LAMB4: variants seen among roughly 807,000 people sequenced by gnomAD.
LAMB4 encodes laminin subunit beta-4.
LAMB4 carries 196 observed loss-of-function variants against 199.2 expected under a neutral mutation model. That is an observed-to-expected ratio of 0.98 (90% CI 0.88 to 1.11). The LOEUF is 1.11. Among genes scored for constraint, LAMB4 ranks in the 50% least tolerant of loss-of-function variants. The pLI is 0.00. For synonymous variants in LAMB4, 744 were observed against 770.6 expected, an observed-to-expected ratio of 0.97 and a Z score of 0.57; for missense variants, 2,080 against 2,171.2, an observed-to-expected ratio of 0.96 and a Z score of 0.83.
chr7:108,075,921 C>T, intron 17 of LAMB4: 1 of 159,502 alleles, frequency 6.3e-6, no homozygotes, highest in South Asian at 1.7e-4. Context: ...GATTGTGCCA[C>T]TGCACTGCAG....
rs1173862753 is a variant in LAMB4 at position 108,105,959 on chromosome 7, C to T, written c.728G>A (p.Arg243Lys). The T allele has an allele frequency of 3.1e-6, 5 of 1,614,092 alleles. No individual in the cohort carries two copies. Among genetic ancestry groups the T allele is most frequent in the East Asian group, 4.5e-5 (2 of 44,900 alleles). The change falls in exon 8 of 34, where the codon AGG (arginine) becomes AAG (lysine). Residue 243 changes from arginine (R) to lysine (K), a missense_variant. Coordinates refer to ENST00000388781, the MANE Select transcript of LAMB4 (RefSeq NM_007356.3). ...LHTLGDALLGRRQNDSLDKYY... is the reference protein window; with the variant it reads ...LHTLGDALLGKRQNDSLDKYY... ...TTTATCAAGGGAATCATTTTGCCTCCTTCCAAGCAAAGCATCCCCAAGGGT... is the reference window on the plus strand; with the variant it reads ...TTTATCAAGGGAATCATTTTGCCTCTTTCCAAGCAAAGCATCCCCAAGGGT...
intron 23 of LAMB4, among the ~76,000 whole-genome samples, chr7:108,061,133 A>G (rs1240634399): frequency 6.6e-6 from 1 of 152,220 alleles, no homozygotes; most frequent in Non-Finnish European, 1.5e-5. Context: ...ATTTGAATTG[A>G]TGGACATTCT....
intron 1 of LAMB4, among the ~76,000 whole-genome samples, chr7:108,129,734 G>T (rs933858242): frequency 6.6e-6 from 1 of 152,078 alleles, no homozygotes; most frequent in Non-Finnish European, 1.5e-5. Flanking sequence ...TCGCCATGTT[G>T]CTCAGGCTGG....
At chr7:108,073,974 G>T (rs1357868459) in intron 17 of LAMB4, among the ~76,000 whole-genome samples, 1 of 152,096 alleles carries the variant, frequency 6.6e-6, no homozygotes, top group African/African-American at 2.4e-5. Flanking sequence ...TGGTGGTGGT[G>T]AACCTGTAGC....
intron 2 of LAMB4, among the ~76,000 whole-genome samples, chr7:108,119,823 T>C (rs1047413438): frequency 1.3e-5 from 2 of 152,176 alleles, no homozygotes; most frequent in African/African-American, 4.8e-5. Context: ...GATTTCCTGG[T>C]TGTGATATCG....
chr7:108,126,554 C>CCTTTTTTTTTTTTT (rs780962576), intron 1 of LAMB4, among the ~76,000 whole-genome samples: 3 of 83,520 alleles, frequency 3.6e-5, no homozygotes, highest in African/African-American at 1.5e-4. Context: ...GAATTTCTTT[C>CCTTTTTTTTTTTTT]TTTTTTTTTT....
chr7:108,113,262 TATA>T (rs2038294858), intron 3 of LAMB4, among the ~76,000 whole-genome samples: 1 of 152,220 alleles, frequency 6.6e-6, no homozygotes, highest in Admixed American at 6.5e-5. Flanking sequence ...TGTCTGTCTC[TATA>T]ATAAGAATAA....
chr7:108,103,263 G>C (rs766988254), intron 9 of LAMB4, 31 bp from the exon 10 acceptor site: 2 of 1,513,906 alleles, frequency 1.3e-6, no homozygotes, highest in Non-Finnish European at 8.9e-7. Context: ...CTGAGAGGTA[G>C]ACTAAGGCCT....
Position 108,068,041 on chromosome 7 carries a change from A to G in LAMB4, c.2421T>C (p.Tyr807=). ...RCCDRCSTGS[Y]DLGHHGCHPC... Reference sequence around the variant, plus strand: ...GGTGACAGCCGTGATGCCCCAAATCATAGCTTCCAGTTGAGCACCTGTCAC... The same window carrying G: ...GGTGACAGCCGTGATGCCCCAAATCGTAGCTTCCAGTTGAGCACCTGTCAC... Residue 807 remains tyrosine (Y), a synonymous_variant, in exon 19 of 34, where the codon TAT becomes TAC. Transcript: ENST00000388781. 1 of 1,614,154 alleles carries G rather than the reference A, an allele frequency of 6.2e-7. No individual in the cohort carries two copies. The highest frequency in any genetic ancestry group is 8.5e-7 in the Non-Finnish European group (1 of 1,180,018).
At chr7:108,025,845 C>T (rs933633742) in intron 33 of LAMB4, among the ~76,000 whole-genome samples, 1 of 152,310 alleles carries the variant, frequency 6.6e-6, no homozygotes. Flanking sequence ...TATGATTGAG[C>T]TGGTTACACC....
intron 24 of LAMB4, among the ~76,000 whole-genome samples, chr7:108,057,518 C>T (rs2150536144): frequency 6.6e-6 from 1 of 152,170 alleles, no homozygotes; most frequent in Non-Finnish European, 1.5e-5. Context: ...GGTGATAAGC[C>T]CATGATACCT....
At chr7:108,018,305 G>A in the LAMB4 span, among the ~76,000 whole-genome samples, 16 of 152,270 alleles carry the variant, frequency 1.1e-4, no homozygotes, top group African/African-American at 3.9e-4. Context: ...ATCACCCCAG[G>A]CCCTTGGTTT....
At chr7:108,052,941 G>A (rs1009103630) in intron 25 of LAMB4, among the ~76,000 whole-genome samples, 1 of 152,116 alleles carries the variant, frequency 6.6e-6, no homozygotes, top group Non-Finnish European at 1.5e-5. Flanking sequence ...ACAGTTGGGG[G>A]AAGTTATAAA....
intron 10 of LAMB4, among the ~76,000 whole-genome samples, chr7:108,101,837 C>T (rs1161774228): frequency 1.3e-5 from 2 of 152,168 alleles, no homozygotes; most frequent in Non-Finnish European, 2.9e-5. Flanking sequence ...CCTTGGCTCA[C>T]TCTAGTCCCA....
At chr7:108,031,801 G>A (rs973943143) in intron 31 of LAMB4, among the ~76,000 whole-genome samples, 20 of 152,026 alleles carry the variant, frequency 1.3e-4, no homozygotes, top group Admixed American at 2.0e-4. Context: ...TCTATTCTCC[G>A]GCTGGTGCAA....
At chr7:108,031,013 CTCTT>C (rs1237541712) in intron 31 of LAMB4, 34 bp from the exon 32 acceptor site, 1 of 1,590,342 alleles carries the variant, frequency 6.3e-7, no homozygotes, top group South Asian at 1.1e-5. Context: ...AAGGGAAAAT[CTCTT>C]TATGAAACAA....
chr7:108,098,402 C>T lies in LAMB4; in HGVS notation c.1360+1G>A, dbSNP rs541782494. ...CCCCCGACCCCCGATTATGGACTTA[C>T]GCTGGCAGCCCAGGGGGTCGGTGGC... On this transcript the variant is annotated splice_donor_variant, in intron 11 of 33. Transcript: ENST00000388781. LOFTEE classifies it high-confidence loss of function. The T allele has an allele frequency of 6.3e-7, 1 of 1,588,202 alleles. No homozygotes were observed.
rs1358010356 is a variant in LAMB4 at position 108,036,481 on chromosome 7, C to G, written c.4679+907G>C. 2.0e-5 allele frequency among the ~76,000 whole-genome samples: 3 copies of G among 152,172 alleles called. 1 individual carries two copies. The East Asian group carries it at 5.8e-4, about 29-fold the overall frequency. On this transcript the variant is annotated intron_variant, in intron 30 of 33. Coordinates refer to ENST00000388781, the MANE Select transcript of LAMB4 (RefSeq NM_007356.3). ...GGGATTACAGGCGTGAGCCACCGTG[C>G]CCGGCCTACTTAATCTTTTAAGTAA...
chr7:108,095,695 C>A (rs1423414272), intron 11 of LAMB4, among the ~76,000 whole-genome samples: 1 of 152,094 alleles, frequency 6.6e-6, no homozygotes, highest in African/African-American at 2.4e-5. Flanking sequence ...TATTACTGAT[C>A]GCTCCTTCTC....
Sources: gnomAD v4.1 joint callset for allele counts (sites outside exome capture counted in the v4.1 genomes callset) on GRCh38, gnomAD v4.1.1 for gene constraint, MANE v1.5 for transcripts, NCBI Gene and HGNC (gene_info 2026-07-23, HGNC 2026-07-21) for gene names.